Variants in PKD2L2 observed in about 807,000 individuals in gnomAD.
PKD2L2 encodes polycystin 2 like 2, transient receptor potential cation channel.
PKD2L2 carries 67 observed loss-of-function variants against 83.9 expected under a neutral mutation model. The observed-to-expected ratio is 0.80, with a 90% confidence interval of 0.66 to 0.98. The LOEUF (loss-of-function observed/expected upper bound fraction) is 0.98. Ranked by LOEUF, PKD2L2 falls within the 50% of genes least tolerant of loss-of-function variation. The pLI is 0.00. For missense variants in PKD2L2, 632 were observed against 717.2 expected (o/e 0.88, Z 1.36); for synonymous variants, 223 against 237.8 (o/e 0.94, Z 0.57).
intron 5 of PKD2L2, among the ~76,000 whole-genome samples, chr5:137,901,151 AAAG>A (rs1390580383): frequency 7.2e-5 from 10 of 139,058 alleles, no homozygotes; most frequent in Non-Finnish European, 1.5e-4. Context: ...AAAAAAAAAG[AAAG>A]AAAGAAAGAA....
At chr5:137,935,098 T>C (rs1760213322) in intron 12 of PKD2L2, among the ~76,000 whole-genome samples, 1 of 152,226 alleles carries the variant, frequency 6.6e-6, no homozygotes, top group Non-Finnish European at 1.5e-5. Flanking sequence ...ACAAATTTAC[T>C]GAGAAGGTTT....
chr5:137,940,903 T>C (rs78885846), intron 14 of PKD2L2, among the ~76,000 whole-genome samples: 1,734 of 152,222 alleles, frequency 0.011, 27 homozygotes, highest in African/African-American at 0.04. Flanking sequence ...ATTTCTGCAC[T>C]TCAATTTATT....
rs571259113 is a variant in PKD2L2 at position 137,892,488 on chromosome 5, G to A, written c.142G>A (p.Gly48Arg). The A allele has an allele frequency of 7.8e-5, 118 of 1,515,938 alleles. 4 individuals carry two copies. The South Asian group carries it at 1.4e-3, about 18-fold the overall frequency. The allele number at this position is 1,515,938 out of a possible 1,614,324, so 93.9% of individuals were successfully genotyped here. The change falls in exon 3 of 15, where the codon GGG becomes AGG. Residue 48 changes from glycine to arginine, a missense_variant. Physicochemically the swap from Gly to Arg is moderately radical, Grantham distance 125. Around this residue, in one of 3 missense-constraint regions of PKD2L2, gnomAD observed 229 missense variants for 281.5 expected, o/e 0.81. Coordinates refer to ENST00000508883, the MANE Select transcript of PKD2L2 (RefSeq NM_001300921.2). ...AAAATTATTCTCCTTAGTGACTTTTGGGATGGTAAACCCACATATGTATTA... is the reference window on the plus strand; with the variant it reads ...AAAATTATTCTCCTTAGTGACTTTTAGGATGGTAAACCCACATATGTATTA... ...FLINLCILTF[G>R]MVNPHMYYLN...
intron 3 of PKD2L2, among the ~76,000 whole-genome samples, chr5:137,892,884 G>C (rs1176802655): frequency 6.6e-6 from 1 of 152,140 alleles, no homozygotes; most frequent in Non-Finnish European, 1.5e-5. Flanking sequence ...AAGGCGGGTG[G>C]ATCACCTGAG....
At chr5:137,930,571 T>C (rs6871007) in intron 12 of PKD2L2, among the ~76,000 whole-genome samples, 63,999 of 150,688 alleles carry the variant, frequency 0.42, 14,409 homozygotes, top group East Asian at 0.6. Context: ...CTCAGGAGGC[T>C]GAGGCAGGTG....
rs374816829 is a variant in PKD2L2 at position 137,921,672 on chromosome 5, T to C, written c.1365T>C (p.Asn455=). ...TTCGAATTGTTCTTGGAGATTTTAA[T>C]TTTGCTGGTATTCAGCAAGCCAATC... ...AQFRIVLGDF[N]FAGIQQANPI... Residue 455 remains asparagine, a synonymous_variant, in exon 9 of 15, where the codon AAT becomes AAC. Transcript: ENST00000508883. 80 of 1,598,778 alleles carry C rather than the reference T, an allele frequency of 5.0e-5. 1 individual carries two copies. In the African/African-American group the frequency reaches 9.8e-4, roughly 20 times the overall value.
intron 14 of PKD2L2, among the ~76,000 whole-genome samples, chr5:137,937,662 C>G (rs1429534251): frequency 6.6e-6 from 1 of 152,174 alleles, no homozygotes; most frequent in Non-Finnish European, 1.5e-5. Flanking sequence ...AGGACAAGCT[C>G]TTCTCTTAAG....
At chr5:137,940,071 C>G (rs1408613904) in intron 14 of PKD2L2, 1 of 1,614,016 alleles carries the variant, frequency 6.2e-7, no homozygotes, top group Non-Finnish European at 8.5e-7. Flanking sequence ...CTTACTCTCC[C>G]ATCATTTGTT....
intron 4 of PKD2L2, among the ~76,000 whole-genome samples, chr5:137,896,176 C>CT (rs1272325422): frequency 2.1e-5 from 3 of 146,082 alleles, no homozygotes; most frequent in Non-Finnish European, 4.5e-5. Flanking sequence ...AAAACTCCGT[C>CT]TCAAAAAAAA....
intron 4 of PKD2L2, among the ~76,000 whole-genome samples, chr5:137,899,156 T>G (rs1002106316): frequency 6.6e-6 from 1 of 152,190 alleles, no homozygotes; most frequent in African/African-American, 2.4e-5. Flanking sequence ...TCTGGCTCTT[T>G]GCCTGGGCTG....
intron 4 of PKD2L2, among the ~76,000 whole-genome samples, chr5:137,895,337 G>T (rs1756355214): frequency 6.6e-6 from 1 of 151,660 alleles, no homozygotes. Flanking sequence ...GTGTGGTGGG[G>T]CTTGCTTACC....
At chr5:137,911,644 C>G (rs1757846503) in intron 8 of PKD2L2, among the ~76,000 whole-genome samples, 1 of 152,100 alleles carries the variant, frequency 6.6e-6, no homozygotes, top group Non-Finnish European at 1.5e-5. Flanking sequence ...TCCATCACCT[C>G]TCATATTTAT....
At chr5:137,892,897 C>A (rs1198234574) in intron 3 of PKD2L2, among the ~76,000 whole-genome samples, 1 of 152,070 alleles carries the variant, frequency 6.6e-6, no homozygotes, top group Admixed American at 6.6e-5. Context: ...CACCTGAGGT[C>A]AGGAGTTCAA....
At chr5:137,906,166 C>A in intron 5 of PKD2L2, 40 bp from the exon 6 acceptor site, 1 of 1,144,512 alleles carries the variant, frequency 8.7e-7, no homozygotes, top group Non-Finnish European at 1.3e-6. Context: ...AATATAAATG[C>A]TTGAAATGAA....
At chr5:137,889,580 C>T (rs1267577076) in intron 1 of PKD2L2, 58 bp downstream of exon 1, 5 of 1,427,090 alleles carry the variant, frequency 3.5e-6, no homozygotes, top group Non-Finnish European at 2.8e-6. Context: ...TTCCAGACAC[C>T]CTGAAAGGAA....
Position 137,903,285 on chromosome 5 carries a change from G to C in PKD2L2, c.747-2921G>C, listed in dbSNP as rs150684897. ...ACAAACTCATTTCAAGTTTCTGCTT[G>C]CATCATATTTGTTAACATCCCATTG... On this transcript the variant is annotated intron_variant, in intron 5 of 14. Coordinates refer to ENST00000508883, the MANE Select transcript of PKD2L2 (RefSeq NM_001300921.2). Among the ~76,000 whole-genome samples the C allele has an allele frequency of 1.8e-3, 276 of 152,254 alleles. 1 individual carries two copies. The highest frequency in any genetic ancestry group is 6.5e-3 in the African/African-American group (269 of 41,540).
chr5:137,895,771 A>G (rs2150003191), intron 4 of PKD2L2, among the ~76,000 whole-genome samples: 1 of 151,180 alleles, frequency 6.6e-6, no homozygotes, highest in African/African-American at 2.4e-5. Context: ...CCAGCTACTC[A>G]GGAGACTAAG....
At chr5:137,918,965 T>TGA (rs1205399142) in intron 8 of PKD2L2, among the ~76,000 whole-genome samples, 3 of 148,204 alleles carry the variant, frequency 2.0e-5, no homozygotes, top group Non-Finnish European at 4.5e-5. Context: ...TGTGTGTGTG[T>TGA]GTGAGTGTGT....
chr5:137,940,014 T>A (rs1761166355), intron 14 of PKD2L2: 2 of 1,608,928 alleles, frequency 1.2e-6, no homozygotes, highest in African/African-American at 1.3e-5. Context: ...GAGAGGACAG[T>A]CTGTGGTTAA....
Sources: gnomAD v4.1 joint callset for allele counts (sites outside exome capture counted in the v4.1 genomes callset) on GRCh38, gnomAD v4.1.1 for gene constraint, gnomAD v4.1.1 regional missense constraint, MANE v1.5 for transcripts, NCBI Gene and HGNC (gene_info 2026-07-23, HGNC 2026-07-21) for gene names.